Variants in CADPS observed in about 807,000 individuals in gnomAD.
The protein encoded by CADPS is calcium dependent secretion activator.
CADPS carries 57 observed loss-of-function variants against 167.3 expected under a neutral mutation model. That is an observed-to-expected ratio of 0.34 (90% CI 0.28 to 0.42). CADPS has a LOEUF of 0.42. Ranked by LOEUF, CADPS falls within the 20% of genes least tolerant of loss-of-function variation. The probability of loss-of-function intolerance (pLI) is 1.00; values close to 1 mark genes in which losing one functional copy is unlikely to be tolerated. For missense variants in CADPS, 1,414 were observed against 1,738.1 expected, an observed-to-expected ratio of 0.81 and a Z score of 3.32; for synonymous variants, 676 against 635.3, an observed-to-expected ratio of 1.06 and a Z score of -0.96.
chr3:62,810,996 T>G (rs1321373384), intron 1 of CADPS, among the ~76,000 whole-genome samples: 1 of 152,194 alleles, frequency 6.6e-6, no homozygotes, highest in Non-Finnish European at 1.5e-5. Flanking sequence ...AAACCCAGAA[T>G]AGAGGAATAG....
At chr3:62,745,860 A>C (rs1055596322) in intron 3 of CADPS, among the ~76,000 whole-genome samples, 1 of 152,236 alleles carries the variant, frequency 6.6e-6, no homozygotes, top group East Asian at 1.9e-4. Flanking sequence ...TATAGTGGTG[A>C]ACGCAATAGA....
At chr3:62,411,608 C>T (rs11718792) in intron 28 of CADPS, among the ~76,000 whole-genome samples, 35,372 of 152,146 alleles carry the variant, frequency 0.23, 4,539 homozygotes, top group Non-Finnish European at 0.29. Flanking sequence ...CACCAAAGTC[C>T]CTGTAGCTTC....
intron 1 of CADPS, among the ~76,000 whole-genome samples, chr3:62,782,484 A>C (rs1349572760): frequency 6.6e-6 from 1 of 152,346 alleles, no homozygotes; most frequent in African/African-American, 2.4e-5. Context: ...ACATGAGTTC[A>C]CGCCCAACAC....
At chr3:62,556,451 T>C (rs2078161925) in intron 10 of CADPS, among the ~76,000 whole-genome samples, 1 of 152,188 alleles carries the variant, frequency 6.6e-6, no homozygotes, top group East Asian at 1.9e-4. Flanking sequence ...AACTCTGTTT[T>C]TCTTTTATGT....
At chr3:62,634,583 C>T (rs960868137) in intron 6 of CADPS, among the ~76,000 whole-genome samples, 1 of 152,164 alleles carries the variant, frequency 6.6e-6, no homozygotes, top group Non-Finnish European at 1.5e-5. Flanking sequence ...TGATGATTAT[C>T]TATGTGTTTC....
At chr3:62,661,457 T>A (rs1320763529) in intron 4 of CADPS, among the ~76,000 whole-genome samples, 1 of 152,054 alleles carries the variant, frequency 6.6e-6, no homozygotes, top group Non-Finnish European at 1.5e-5. Flanking sequence ...GGGCCTGGTA[T>A]ATTTGGAGGG....
intron 10 of CADPS, among the ~76,000 whole-genome samples, chr3:62,553,578 T>C (rs553054083): frequency 1.3e-5 from 2 of 152,260 alleles, no homozygotes; most frequent in Admixed American, 1.3e-4. Flanking sequence ...TTAAGAGTCA[T>C]TATTAACAAT....
intron 1 of CADPS, among the ~76,000 whole-genome samples, chr3:62,777,545 T>C (rs1453938490): frequency 6.6e-6 from 1 of 152,212 alleles, no homozygotes; most frequent in Non-Finnish European, 1.5e-5. Context: ...CTAGGAACTT[T>C]AGTTAATAAT....
rs946639783 is a variant in CADPS at position 62,837,404 on chromosome 3, A to G, written c.441+37185T>C. Among the ~76,000 whole-genome samples, 5 of 152,318 alleles carry G rather than the reference A, an allele frequency of 3.3e-5. No homozygotes were observed. The East Asian group carries it at 9.7e-4, about 29-fold the overall frequency. ...CTCACAGGACGGGTTAAGTTGAGAG[A>G]ACTACAGCATCAGCAATGTGCCAGG... On this transcript the variant is annotated intron_variant, in intron 1 of 29. Coordinates refer to ENST00000383710, the MANE Select transcript of CADPS (RefSeq NM_003716.4).
intron 6 of CADPS, among the ~76,000 whole-genome samples, chr3:62,643,358 T>C (rs2067840826): frequency 6.6e-6 from 1 of 152,216 alleles, no homozygotes; most frequent in Admixed American, 6.5e-5. Context: ...ACCCTGGTCA[T>C]GAAACCTGAA....
intron 10 of CADPS, among the ~76,000 whole-genome samples, chr3:62,554,442 G>C (rs1436794258): frequency 6.6e-6 from 1 of 152,066 alleles, no homozygotes; most frequent in Non-Finnish European, 1.5e-5. Flanking sequence ...AGGCCACAAG[G>C]GTTCTTAGCA....
chr3:62,631,508 T>G (rs1036963756), intron 6 of CADPS, among the ~76,000 whole-genome samples: 1 of 152,214 alleles, frequency 6.6e-6, no homozygotes, highest in Non-Finnish European at 1.5e-5. Context: ...TTTCTCCTGA[T>G]GCTTCCACGC....
chr3:62,528,282 A>T (rs2151914487), intron 13 of CADPS, among the ~76,000 whole-genome samples: 1 of 152,352 alleles, frequency 6.6e-6, no homozygotes, highest in South Asian at 2.1e-4. Context: ...GTTATTTGTT[A>T]TGAGTTTCAG....
intron 21 of CADPS, among the ~76,000 whole-genome samples, chr3:62,490,964 C>T (rs558946799): frequency 6.6e-6 from 1 of 152,214 alleles, no homozygotes; most frequent in South Asian, 2.1e-4. Context: ...GTTTGCTGAC[C>T]TCCCTGCCTA....
chr3:62,448,847 C>G (rs1359247596), intron 26 of CADPS, among the ~76,000 whole-genome samples: 1 of 152,136 alleles, frequency 6.6e-6, no homozygotes, highest in Non-Finnish European at 1.5e-5. Context: ...CTTGTGACCT[C>G]AGGTGATCTG....
chr3:62,661,799 G>C (rs1346076289), intron 4 of CADPS, among the ~76,000 whole-genome samples: 3 of 152,154 alleles, frequency 2.0e-5, no homozygotes, highest in African/African-American at 4.8e-5. Context: ...CTGGAAAACA[G>C]TCAAGAGATC....
intron 7 of CADPS, among the ~76,000 whole-genome samples, chr3:62,592,070 C>T (rs897237939): frequency 3.9e-5 from 6 of 152,084 alleles, no homozygotes; most frequent in South Asian, 2.1e-4. Flanking sequence ...GTCAGTAAAT[C>T]GGTTTACTGA....
intron 8 of CADPS, among the ~76,000 whole-genome samples, chr3:62,573,787 T>C (rs992404729): frequency 6.6e-6 from 1 of 152,194 alleles, no homozygotes; most frequent in South Asian, 2.1e-4. Context: ...TTAATTTATT[T>C]GTGGTTATAT....
intron 24 of CADPS, among the ~76,000 whole-genome samples, chr3:62,472,494 C>A (rs1282147534): frequency 6.6e-6 from 1 of 152,032 alleles, no homozygotes; most frequent in East Asian, 1.9e-4. Flanking sequence ...CTTGATGAAG[C>A]CTAAGAGATT....
Sources: allele counts gnomAD v4.1 joint callset (sites outside exome capture counted in the v4.1 genomes callset), GRCh38; gene constraint gnomAD v4.1.1; transcripts MANE v1.5; gene names NCBI Gene and HGNC (gene_info 2026-07-23, HGNC 2026-07-21).